LOC400499: variants seen among roughly 807,000 people sequenced by gnomAD.
At chr16:11,405,640 T>C in the LOC400499 span, among the ~76,000 whole-genome samples, 1 of 152,002 alleles carries the variant, frequency 6.6e-6, no homozygotes, top group Non-Finnish European at 1.5e-5. Context: ...GGAAGGAAGT[T>C]TGCTCTTAAA....
At chr16:11,390,633 C>T in the LOC400499 span, among the ~76,000 whole-genome samples, 120 of 152,314 alleles carry the variant, frequency 7.9e-4, no homozygotes, top group South Asian at 0.015. Flanking sequence ...GGGGAGTTGT[C>T]ACAGCAGGCC....
At chr16:11,462,319 T>G in the LOC400499 span, 2 of 1,462,604 alleles carry the variant, frequency 1.4e-6, no homozygotes, top group African/African-American at 1.4e-5. Context: ...ACGGCCTCAG[T>G]GTCACCTGGG....
the LOC400499 span, among the ~76,000 whole-genome samples, chr16:11,458,842 C>T: frequency 6.6e-6 from 1 of 151,922 alleles, no homozygotes; most frequent in African/African-American, 2.4e-5. Context: ...CAAGACCAGC[C>T]TGGCCAACAT....
the LOC400499 span, among the ~76,000 whole-genome samples, chr16:11,382,640 G>A: frequency 4.1e-4 from 31 of 75,284 alleles, 1 homozygote; most frequent in Admixed American, 1.6e-3. Flanking sequence ...CTAAACAGTG[G>A]TGTACATTCA....
the LOC400499 span, chr16:11,443,467 T>G: frequency 7.5e-6 from 1 of 133,444 alleles, no homozygotes; most frequent in Non-Finnish European, 1.4e-5. Flanking sequence ...GACTCTGTCT[T>G]AAAAAAAAAA....
At chr16:11,525,304 A>G in the LOC400499 span, among the ~76,000 whole-genome samples, 1 of 151,930 alleles carries the variant, frequency 6.6e-6, no homozygotes, top group African/African-American at 2.4e-5. Context: ...AAAAAAAAAA[A>G]AAAAGGAAAA....
chr16:11,485,626 C>T, the LOC400499 span, among the ~76,000 whole-genome samples: 1 of 152,314 alleles, frequency 6.6e-6, no homozygotes, highest in Admixed American at 6.5e-5. Context: ...ATCCATCTGC[C>T]TCTCCACCTT....
chr16:11,441,112 C>A, the LOC400499 span: 1 of 398,926 alleles, frequency 2.5e-6, no homozygotes, highest in South Asian at 1.3e-4. Context: ...TGAGAGAGGT[C>A]TCATCCCATC....
chr16:11,501,978 A>C, the LOC400499 span: 4 of 396,912 alleles, frequency 1.0e-5, no homozygotes, highest in Non-Finnish European at 1.3e-5. Context: ...ATCAGCATCC[A>C]TCCCTCACTG....
At chr16:11,517,924 GAT>G in the LOC400499 span, among the ~76,000 whole-genome samples, 2 of 152,328 alleles carry the variant, frequency 1.3e-5, no homozygotes, top group East Asian at 1.9e-4. Flanking sequence ...CTGGGGAACA[GAT>G]ATGTTACCAC....
chr16:11,491,753 C>T, the LOC400499 span: 1 of 399,078 alleles, frequency 2.5e-6, no homozygotes, highest in Non-Finnish European at 4.4e-6. Context: ...CAAACACCTC[C>T]TCACTGGGGC....
At chr16:11,383,071 C>CTTT in the LOC400499 span, among the ~76,000 whole-genome samples, 35 of 145,124 alleles carry the variant, frequency 2.4e-4, 1 homozygote, top group African/African-American at 4.8e-4. Flanking sequence ...GTGCCAGGGT[C>CTTT]TTTTTTTTTT....
chr16:11,398,386 G>T, the LOC400499 span: 3 of 1,232,186 alleles, frequency 2.4e-6, no homozygotes, highest in Non-Finnish European at 3.0e-6. Context: ...AGGGAGTGCC[G>T]CAGCCAGCGT....
chr16:11,471,686 G>A, the LOC400499 span: 1 of 399,160 alleles, frequency 2.5e-6, no homozygotes, highest in East Asian at 3.6e-5. Context: ...GCTTCCAGCA[G>A]GTACTGTCGG....
the LOC400499 span, among the ~76,000 whole-genome samples, chr16:11,389,842 G>C: frequency 6.6e-6 from 1 of 152,170 alleles, no homozygotes; most frequent in Non-Finnish European, 1.5e-5. Flanking sequence ...CTGAGTAAAA[G>C]TGAGCTTCCT....
the LOC400499 span, among the ~76,000 whole-genome samples, chr16:11,374,447 C>T: frequency 6.6e-6 from 1 of 152,202 alleles, no homozygotes; most frequent in Non-Finnish European, 1.5e-5. Context: ...TCAGTAAATA[C>T]TGCCAAACTG....
At chr16:11,458,170 C>A in the LOC400499 span, among the ~76,000 whole-genome samples, 32 of 152,126 alleles carry the variant, frequency 2.1e-4, no homozygotes, top group African/African-American at 7.5e-4. Context: ...CATGGCAAAG[C>A]CCCATCTCTA....
At chr16:11,499,007 G>A in the LOC400499 span, among the ~76,000 whole-genome samples, 1 of 127,636 alleles carries the variant, frequency 7.8e-6, no homozygotes, top group African/African-American at 3.0e-5. Flanking sequence ...TGTGCTCTTA[G>A]TTACTGCACA....
At chr16:11,494,650 G>A in the LOC400499 span, 5 of 399,296 alleles carry the variant, frequency 1.3e-5, no homozygotes, top group South Asian at 1.3e-4. Context: ...CTAGGGAGCC[G>A]ACTCCAGGCA....
Sources: allele counts gnomAD v4.1 joint callset (sites outside exome capture counted in the v4.1 genomes callset), GRCh38; gene constraint gnomAD v4.1.1; transcripts MANE v1.5.